SESN1: variants seen among roughly 807,000 people sequenced by gnomAD.
The protein encoded by SESN1 is sestrin 1.
A neutral mutation model predicts 59.3 loss-of-function variants in SESN1; 30 were observed. The ratio of observed to expected loss-of-function variants is 0.51; its 90% CI spans 0.38 to 0.69. The LOEUF is 0.69. Ranked by LOEUF, SESN1 falls within the 30% of genes least tolerant of loss-of-function variation. SESN1 has a pLI of 0.00. For synonymous variants in SESN1, 197 were observed against 219.9 expected, an observed-to-expected ratio of 0.90 and a Z score of 0.92; for missense variants, 566 against 673.0, an observed-to-expected ratio of 0.84 and a Z score of 1.76.
intron 1 of SESN1, among the ~76,000 whole-genome samples, chr6:109,042,095 CAG>C (rs775600497): frequency 1.8e-4 from 28 of 151,890 alleles, no homozygotes; most frequent in Non-Finnish European, 3.5e-4. Flanking sequence ...ACACCACACT[CAG>C]AAATAATTCA....
intron 1 of SESN1, among the ~76,000 whole-genome samples, chr6:109,008,184 C>A (rs1779773221): frequency 6.6e-6 from 1 of 152,150 alleles, no homozygotes; most frequent in African/African-American, 2.4e-5. Flanking sequence ...TAGATCTGAG[C>A]AAGAACCAGG....
chr6:109,028,781 A>G (rs1184986822), intron 1 of SESN1, among the ~76,000 whole-genome samples: 1 of 152,190 alleles, frequency 6.6e-6, no homozygotes, highest in Admixed American at 6.5e-5. Context: ...TGGGTCACGA[A>G]AGCAGTGCAC....
chr6:109,094,178 C>A lies in SESN1; in HGVS notation c.-105G>T. ...AATGTAAAAATAAAATCAGAGAAAT[C>A]AAATCGTCATGAAAACACACATCTG... On this transcript the variant is annotated 5_prime_UTR_variant, in exon 1 of 10. The change abolishes the stop of an existing upstream ORF in the 5' untranslated region. Transcript: ENST00000436639. 2 of 1,284,402 alleles carry A rather than the reference C, an allele frequency of 1.6e-6. No homozygotes were observed. Among genetic ancestry groups the A allele is most frequent in the South Asian group, 2.9e-5 (2 of 69,286 alleles). The allele number at this position is 1,284,402 out of a possible 1,614,324, so 79.6% of individuals were successfully genotyped here. A position where few individuals can be genotyped will look rare whatever the true frequency, so the allele number is the denominator to read the frequency against.
intron 1 of SESN1, among the ~76,000 whole-genome samples, chr6:109,048,646 G>T (rs561674517): frequency 8.5e-5 from 13 of 152,236 alleles, no homozygotes; most frequent in African/African-American, 2.2e-4. Flanking sequence ...ACAAGTAGGA[G>T]AATTTTTTTT....
At chr6:109,053,789 C>G (rs965939363) in intron 1 of SESN1, among the ~76,000 whole-genome samples, 1 of 152,174 alleles carries the variant, frequency 6.6e-6, no homozygotes, top group Admixed American at 6.5e-5. Flanking sequence ...AACACTCGCT[C>G]AGTTTTGAAA....
At chr6:109,076,719 G>T (rs143451110) in intron 1 of SESN1, among the ~76,000 whole-genome samples, 1 of 152,076 alleles carries the variant, frequency 6.6e-6, no homozygotes, top group Admixed American at 6.6e-5. Context: ...TGGGATAGAG[G>T]CAGTGTATAC....
intron 1 of SESN1, among the ~76,000 whole-genome samples, chr6:109,064,988 G>T (rs746732737): frequency 6.6e-6 from 1 of 152,020 alleles, no homozygotes; most frequent in Non-Finnish European, 1.5e-5. Flanking sequence ...GAATAGTACT[G>T]TGTCCTCTTG....
chr6:109,094,282 G>C lies in SESN1; in HGVS notation c.-209C>G, dbSNP rs1276984189. The C allele has an allele frequency of 1.1e-5, 6 of 565,438 alleles. No homozygotes were observed. The African/African-American group carries it at 1.1e-4, about 11-fold the overall frequency. 35.0% of individuals were successfully genotyped at this position (565,438 alleles called of 1,614,324 possible). A position where few individuals can be genotyped will look rare whatever the true frequency, so the allele number is the denominator to read the frequency against. Reference sequence around the variant, plus strand: ...TCTCACCCTCTCCTTGTACACGAAAGGGCAGTCTTCTTTCTGGAAAAACAA... The same window carrying C: ...TCTCACCCTCTCCTTGTACACGAAACGGCAGTCTTCTTTCTGGAAAAACAA... On this transcript the variant is annotated 5_prime_UTR_variant, in exon 1 of 10. Transcript: ENST00000436639.
chr6:109,066,952 T>C (rs982436676), intron 1 of SESN1, among the ~76,000 whole-genome samples: 1 of 152,206 alleles, frequency 6.6e-6, no homozygotes, highest in African/African-American at 2.4e-5. Flanking sequence ...AAAGCCACCA[T>C]CATCTTATTA....
chr6:109,010,371 G>T (rs1779837057), intron 1 of SESN1, among the ~76,000 whole-genome samples: 1 of 152,120 alleles, frequency 6.6e-6, no homozygotes, highest in Non-Finnish European at 1.5e-5. Flanking sequence ...CTCTTTAAAA[G>T]AAACAAATTC....
chr6:109,075,329 T>C (rs1477218283), intron 1 of SESN1, among the ~76,000 whole-genome samples: 1 of 152,216 alleles, frequency 6.6e-6, no homozygotes, highest in African/African-American at 2.4e-5. Flanking sequence ...TTCTGTAATC[T>C]GTTCCTTTTG....
At chr6:109,024,838 G>T (rs974572083) in intron 1 of SESN1, among the ~76,000 whole-genome samples, 1 of 152,208 alleles carries the variant, frequency 6.6e-6, no homozygotes, top group African/African-American at 2.4e-5. Context: ...TCTACTGAAT[G>T]TGTGTTGCTT....
intron 1 of SESN1, among the ~76,000 whole-genome samples, chr6:109,072,024 T>C (rs1286354625): frequency 1.3e-5 from 2 of 152,196 alleles, no homozygotes; most frequent in South Asian, 2.1e-4. Flanking sequence ...ACACCTAAAA[T>C]AGCAATAATC....
intron 1 of SESN1, chr6:109,009,268 G>A (rs1039445623): frequency 1.7e-6 from 2 of 1,174,910 alleles, no homozygotes; most frequent in East Asian, 3.3e-5. Flanking sequence ...CTGTGAGGAG[G>A]CAACGTGACC....
In SESN1 at chr6:108,994,649, T is replaced by C. The variant is rs1013466257; in HGVS notation, c.973-40A>G. The C allele has an allele frequency of 5.4e-6, 8 of 1,468,364 alleles. No homozygotes were observed. The East Asian group carries it at 9.8e-5, about 18-fold the overall frequency. The allele number at this position is 1,468,364 out of a possible 1,614,324, so 91.0% of individuals were successfully genotyped here. A position where few individuals can be genotyped will look rare whatever the true frequency, so the allele number is the denominator to read the frequency against. ...CAATTAATGTTACATGTGGCAGACA[T>C]AGAATATATATGAATTATCTTTTAA... is the stretch of plus-strand genomic sequence containing the variant. On this transcript the variant is annotated intron_variant, in intron 5 of 9. Transcript: ENST00000436639.
At chr6:109,051,608 TTTC>T (rs1780543539) in intron 1 of SESN1, among the ~76,000 whole-genome samples, 1 of 152,246 alleles carries the variant, frequency 6.6e-6, no homozygotes, top group South Asian at 2.1e-4. Context: ...GGTCACTGGT[TTTC>T]TTTTTTTCTG....
chr6:108,997,069 A>G lies in SESN1; in HGVS notation c.972+1444T>C, dbSNP rs1779514865. 2.6e-5 allele frequency among the ~76,000 whole-genome samples: 4 copies of G among 152,312 alleles called. No individual in the cohort carries two copies. The South Asian group carries it at 8.3e-4, about 32-fold the overall frequency. Reference sequence around the variant, plus strand: ...AAAATTCTTGTTTGTTACCATTTGTATCTGAAGAGCTGAGTCAGATACTGG... The same window carrying G: ...AAAATTCTTGTTTGTTACCATTTGTGTCTGAAGAGCTGAGTCAGATACTGG... On this transcript the variant is annotated intron_variant, in intron 5 of 9. Coordinates refer to ENST00000436639, the MANE Select transcript of SESN1 (RefSeq NM_014454.3).
intron 1 of SESN1, among the ~76,000 whole-genome samples, chr6:109,026,598 C>T (rs1043186122): frequency 1.3e-5 from 2 of 151,924 alleles, no homozygotes; most frequent in Admixed American, 6.6e-5. Context: ...CTCCCAGTTT[C>T]GGTTCAAGCG....
intron 1 of SESN1, among the ~76,000 whole-genome samples, chr6:109,087,661 G>A (rs1781235772): frequency 6.6e-6 from 1 of 152,080 alleles, no homozygotes; most frequent in South Asian, 2.1e-4. Flanking sequence ...TGTTTGACAT[G>A]CACTACCTTA....
Sources: allele counts gnomAD v4.1 joint callset (sites outside exome capture counted in the v4.1 genomes callset), GRCh38; gene constraint gnomAD v4.1.1; transcripts MANE v1.5; gene names NCBI Gene and HGNC (gene_info 2026-07-23, HGNC 2026-07-21).